Variants in SNTB1 observed in about 807,000 individuals in gnomAD.
SNTB1 encodes beta-1-syntrophin.
Under a neutral mutation model 48.9 loss-of-function variants are expected in SNTB1, and 36 were observed. That is an observed-to-expected ratio of 0.74 (90% confidence interval 0.56 to 0.97). SNTB1 has a LOEUF of 0.97. SNTB1 is among the 50% of genes least tolerant of loss of function. SNTB1 has a pLI of 0.00. For missense variants in SNTB1, 786 were observed against 703.4 expected (o/e 1.12, Z -1.33); for synonymous variants, 299 against 294.6 (o/e 1.01, Z -0.15).
At chr8:120,700,825 C>T (rs1038441127) in intron 1 of SNTB1, among the ~76,000 whole-genome samples, 3 of 152,224 alleles carry the variant, frequency 2.0e-5, no homozygotes, top group African/African-American at 7.2e-5. Context: ...ATCCAATCAA[C>T]TCTCCTACCA....
At chr8:120,584,976 C>A (rs1193694098) in intron 3 of SNTB1, among the ~76,000 whole-genome samples, 1 of 152,038 alleles carries the variant, frequency 6.6e-6, no homozygotes, top group African/African-American at 2.4e-5. Flanking sequence ...CATATTCTTC[C>A]TTATGTCGTC....
At chr8:120,697,586 G>A (rs1284858514) in intron 1 of SNTB1, among the ~76,000 whole-genome samples, 1 of 152,210 alleles carries the variant, frequency 6.6e-6, no homozygotes, top group East Asian at 1.9e-4. Context: ...TCAAATGCAA[G>A]TCCTTTCTGG....
At chr8:120,602,907 A>G (rs980200867) in intron 3 of SNTB1, among the ~76,000 whole-genome samples, 4 of 151,944 alleles carry the variant, frequency 2.6e-5, no homozygotes, top group Admixed American at 6.6e-5. Flanking sequence ...AAAGCGTTTA[A>G]ACATTAATAG....
At chr8:120,665,345 G>A (rs1166142633) in intron 2 of SNTB1, among the ~76,000 whole-genome samples, 3 of 152,040 alleles carry the variant, frequency 2.0e-5, no homozygotes, top group Non-Finnish European at 4.4e-5. Flanking sequence ...CCAGCTACTC[G>A]GGAGGCTGAG....
intron 1 of SNTB1, among the ~76,000 whole-genome samples, chr8:120,795,672 G>T (rs1158169624): frequency 2.0e-5 from 3 of 152,028 alleles, no homozygotes; most frequent in Admixed American, 6.6e-5. Context: ...GGATGGCTTA[G>T]ACAACAGGAG....
At chr8:120,804,822 C>T (rs1187229605) in intron 1 of SNTB1, among the ~76,000 whole-genome samples, 3 of 152,214 alleles carry the variant, frequency 2.0e-5, no homozygotes, top group Non-Finnish European at 4.4e-5. Flanking sequence ...CTGAGCTACA[C>T]ATGAGGCCCA....
chr8:120,645,656 TG>T (rs1353352129), intron 2 of SNTB1, among the ~76,000 whole-genome samples: 1 of 130,214 alleles, frequency 7.7e-6, no homozygotes, highest in East Asian at 2.1e-4. Context: ...GGCTCTTTTT[TG>T]GTTCCATATG....
At chr8:120,754,353 G>T (rs1203995173) in intron 1 of SNTB1, among the ~76,000 whole-genome samples, 1 of 152,074 alleles carries the variant, frequency 6.6e-6, no homozygotes, top group East Asian at 1.9e-4. Context: ...AAAAACATTA[G>T]CTGGGTGTGG....
At chr8:120,774,240 G>A (rs1423774001) in intron 1 of SNTB1, among the ~76,000 whole-genome samples, 1 of 152,196 alleles carries the variant, frequency 6.6e-6, no homozygotes, top group African/African-American at 2.4e-5. Context: ...TGCAGGTGGT[G>A]TGATTAACTG....
At chr8:120,807,229 C>A (rs1458658635) in intron 1 of SNTB1, among the ~76,000 whole-genome samples, 5 of 152,168 alleles carry the variant, frequency 3.3e-5, no homozygotes, top group Non-Finnish European at 5.9e-5. Flanking sequence ...GCTTCAGTTA[C>A]AAAAAAGTCG....
At chr8:120,649,544 G>A (rs1436788746) in intron 2 of SNTB1, among the ~76,000 whole-genome samples, 59 of 141,474 alleles carry the variant, frequency 4.2e-4, no homozygotes, top group Non-Finnish European at 8.2e-4. Context: ...CCAGCTGCGT[G>A]CTGGGAGAAC....
intron 4 of SNTB1, among the ~76,000 whole-genome samples, chr8:120,556,521 G>A (rs1815569991): frequency 6.6e-6 from 1 of 152,152 alleles, no homozygotes; most frequent in Admixed American, 6.6e-5. Flanking sequence ...AATTGCTTCT[G>A]ATTATCAACA....
intron 3 of SNTB1, among the ~76,000 whole-genome samples, chr8:120,578,226 G>A (rs1443028251): frequency 5.3e-5 from 8 of 149,868 alleles, no homozygotes; most frequent in Admixed American, 6.7e-5. Flanking sequence ...ATTTTTAGTA[G>A]AGATGGGATT....
chr8:120,792,604 T>C (rs1820055638), intron 1 of SNTB1, among the ~76,000 whole-genome samples: 1 of 152,070 alleles, frequency 6.6e-6, no homozygotes, highest in Non-Finnish European at 1.5e-5. Context: ...CCGTGGCAAG[T>C]CCTATATTTT....
intron 1 of SNTB1, among the ~76,000 whole-genome samples, chr8:120,720,995 G>C (rs571755308): frequency 6.6e-6 from 1 of 152,266 alleles, no homozygotes; most frequent in South Asian, 2.1e-4. Context: ...ATCATTAGGG[G>C]ATTTAAATAC....
chr8:120,595,942 C>T (rs1816315247), intron 3 of SNTB1, among the ~76,000 whole-genome samples: 1 of 152,190 alleles, frequency 6.6e-6, no homozygotes, highest in Admixed American at 6.5e-5. Context: ...AGAATCCTCT[C>T]TTAGGGTCTG....
intron 1 of SNTB1, among the ~76,000 whole-genome samples, chr8:120,718,771 A>T (rs577756028): frequency 2.3e-4 from 35 of 152,190 alleles, no homozygotes; most frequent in Non-Finnish European, 4.0e-4. Flanking sequence ...AGAAAGTAAA[A>T]CTACCAGGAA....
chr8:120,650,387 C>T (rs1372499176), intron 2 of SNTB1, among the ~76,000 whole-genome samples: 4 of 152,046 alleles, frequency 2.6e-5, no homozygotes, highest in Admixed American at 2.6e-4. Flanking sequence ...AAAACTTTGG[C>T]ATGGAAAAAG....
chr8:120,582,972 C>T (rs1192380205), intron 3 of SNTB1, among the ~76,000 whole-genome samples: 3 of 152,026 alleles, frequency 2.0e-5, no homozygotes, highest in Non-Finnish European at 4.4e-5. Flanking sequence ...ACATAGTCTG[C>T]AGATATTAAA....
Sources: gnomAD v4.1 joint callset for allele counts (sites outside exome capture counted in the v4.1 genomes callset) on GRCh38, gnomAD v4.1.1 for gene constraint, MANE v1.5 for transcripts, NCBI Gene and HGNC (gene_info 2026-07-23, HGNC 2026-07-21) for gene names.